Variants in RPS6KC1 observed in about 807,000 individuals in gnomAD.
RPS6KC1 encodes the protein inactive ribosomal protein S6 kinase delta-1.
RPS6KC1 carries 54 observed loss-of-function variants against 103.8 expected under a neutral mutation model. That is an observed-to-expected ratio of 0.52 (90% CI 0.42 to 0.65). RPS6KC1 has a LOEUF of 0.65. RPS6KC1 is among the 30% of genes least tolerant of loss of function. RPS6KC1 has a pLI of 0.00. For synonymous variants in RPS6KC1, 439 were observed against 438.7 expected, an observed-to-expected ratio of 1.00 and a Z score of -0.01; for missense variants, 1,151 against 1,253.8, an observed-to-expected ratio of 0.92 and a Z score of 1.24.
intron 4 of RPS6KC1, among the ~76,000 whole-genome samples, chr1:213,114,006 T>G (rs1273404164): frequency 6.6e-6 from 1 of 152,140 alleles, no homozygotes; most frequent in Non-Finnish European, 1.5e-5. Flanking sequence ...TGCCTCCAGC[T>G]TTGTTCTTTT....
chr1:213,478,345 A>G, the RPS6KC1 span, among the ~76,000 whole-genome samples: 1 of 152,194 alleles, frequency 6.6e-6, no homozygotes, highest in African/African-American at 2.4e-5. Flanking sequence ...TTGTATGGAT[A>G]TAATTTTTTA....
At chr1:213,851,965 T>C in the RPS6KC1 span, among the ~76,000 whole-genome samples, 3 of 152,182 alleles carry the variant, frequency 2.0e-5, no homozygotes, top group Non-Finnish European at 4.4e-5. Context: ...TTGGAACTCC[T>C]GGTATAGCCT....
intron 4 of RPS6KC1, among the ~76,000 whole-genome samples, chr1:213,116,103 A>G (rs1232433466): frequency 2.0e-5 from 3 of 151,802 alleles, no homozygotes; most frequent in Non-Finnish European, 2.9e-5. Flanking sequence ...ATTCCTGGGT[A>G]TCCTTGTTGA....
chr1:213,086,666 T>C (rs2080429824), intron 3 of RPS6KC1, among the ~76,000 whole-genome samples: 1 of 152,230 alleles, frequency 6.6e-6, no homozygotes, highest in African/African-American at 2.4e-5. Context: ...CCCTGGCTGC[T>C]ACAGAGATCA....
chr1:213,667,557 C>G, the RPS6KC1 span, among the ~76,000 whole-genome samples: 1 of 152,174 alleles, frequency 6.6e-6, no homozygotes, highest in Admixed American at 6.5e-5. Context: ...CTTGCCTTGA[C>G]GTTGATGGTT....
the RPS6KC1 span, among the ~76,000 whole-genome samples, chr1:213,728,882 A>T: frequency 6.7e-6 from 1 of 149,038 alleles, no homozygotes; most frequent in African/African-American, 2.5e-5. Flanking sequence ...TGCACAGAAA[A>T]TTTAATGGCA....
chr1:213,607,821 C>A, the RPS6KC1 span, among the ~76,000 whole-genome samples: 12 of 152,094 alleles, frequency 7.9e-5, no homozygotes, highest in Non-Finnish European at 1.8e-4. Flanking sequence ...GGGGTTCTCG[C>A]CTGAATTTGC....
chr1:213,563,759 A>T, the RPS6KC1 span, among the ~76,000 whole-genome samples: 1 of 152,076 alleles, frequency 6.6e-6, no homozygotes. Context: ...CCAAAAATGC[A>T]AGGAGCTTAA....
intron 3 of RPS6KC1, among the ~76,000 whole-genome samples, chr1:213,101,900 A>AT (rs889102936): frequency 6.6e-5 from 10 of 152,098 alleles, no homozygotes; most frequent in African/African-American, 1.4e-4. Context: ...TGGCCAGTAG[A>AT]TTTTTTCCTA....
intron 6 of RPS6KC1, among the ~76,000 whole-genome samples, chr1:213,159,139 T>C (rs1362199795): frequency 6.6e-6 from 1 of 152,082 alleles, no homozygotes; most frequent in Non-Finnish European, 1.5e-5. Flanking sequence ...CTTAAACTTC[T>C]GTTGATACTC....
chr1:213,601,960 C>G, the RPS6KC1 span, among the ~76,000 whole-genome samples: 2 of 90,560 alleles, frequency 2.2e-5, no homozygotes, highest in African/African-American at 8.7e-5. Context: ...CTCTTTTCCC[C>G]TCCCTCCCTC....
chr1:213,797,391 G>C, the RPS6KC1 span, among the ~76,000 whole-genome samples: 2 of 152,182 alleles, frequency 1.3e-5, no homozygotes, highest in African/African-American at 4.8e-5. Context: ...CTGGGCTGAG[G>C]TGGTAACTAC....
intron 8 of RPS6KC1, among the ~76,000 whole-genome samples, chr1:213,199,924 A>C (rs757124711): frequency 1.1e-4 from 16 of 152,210 alleles, no homozygotes; most frequent in Admixed American, 2.0e-4. Flanking sequence ...GGATAAAGCT[A>C]ACTAGGGAGG....
chr1:213,304,964 G>C, the RPS6KC1 span, among the ~76,000 whole-genome samples: 3 of 152,122 alleles, frequency 2.0e-5, no homozygotes, highest in Non-Finnish European at 4.4e-5. Context: ...CTCTGTTTTT[G>C]TTGTTTGTTT....
chr1:213,253,218 T>C (rs577201617), intron 12 of RPS6KC1, among the ~76,000 whole-genome samples: 6 of 152,116 alleles, frequency 3.9e-5, no homozygotes, highest in Non-Finnish European at 8.8e-5. Flanking sequence ...CTGGGAATTT[T>C]TGGAATGGGG....
intron 1 of RPS6KC1, among the ~76,000 whole-genome samples, chr1:213,061,517 A>T (rs1205994909): frequency 6.6e-6 from 1 of 150,974 alleles, no homozygotes; most frequent in Non-Finnish European, 1.5e-5. Context: ...CATGAAAGGG[A>T]GGTTGAGTTG....
the RPS6KC1 span, among the ~76,000 whole-genome samples, chr1:213,713,145 A>G: frequency 6.6e-6 from 1 of 152,090 alleles, no homozygotes; most frequent in Non-Finnish European, 1.5e-5. Context: ...TGTTTCTATG[A>G]TGTTTTGGTT....
the RPS6KC1 span, among the ~76,000 whole-genome samples, chr1:213,532,372 C>G: frequency 6.6e-6 from 1 of 152,090 alleles, no homozygotes; most frequent in Non-Finnish European, 1.5e-5. Context: ...CGGTTTAGCC[C>G]GCACCCAGCT....
the RPS6KC1 span, among the ~76,000 whole-genome samples, chr1:213,353,046 G>A: frequency 4.6e-5 from 7 of 152,196 alleles, no homozygotes; most frequent in Non-Finnish European, 8.8e-5. Context: ...CAACATCGTT[G>A]GGACTTCTAA....
Sources: allele counts gnomAD v4.1 joint callset (sites outside exome capture counted in the v4.1 genomes callset), GRCh38; gene constraint gnomAD v4.1.1; transcripts MANE v1.5; gene names NCBI Gene and HGNC (gene_info 2026-07-23, HGNC 2026-07-21).